SPATA9: variants seen among roughly 807,000 people sequenced by gnomAD.
The protein encoded by SPATA9 is spermatogenesis-associated protein 9.
A neutral mutation model predicts 25.5 loss-of-function variants in SPATA9; 27 were observed. That is an observed-to-expected ratio of 1.06 (90% confidence interval 0.78 to 1.46). The LOEUF (loss-of-function observed/expected upper bound fraction) is 1.46, where lower values mean the gene tolerates loss of function less well. Among genes scored for constraint, SPATA9 ranks in the 40% most tolerant of loss-of-function variants. The pLI is 0.00. For missense variants in SPATA9, 282 were observed against 297.5 expected, an observed-to-expected ratio of 0.95 and a Z score of 0.38; for synonymous variants, 102 against 105.7, an observed-to-expected ratio of 0.97 and a Z score of 0.21.
the SPATA9 span, among the ~76,000 whole-genome samples, chr5:95,712,907 T>TA: frequency 4.6e-4 from 70 of 152,310 alleles, no homozygotes; most frequent in South Asian, 6.0e-3. Flanking sequence ...TTGCTTTTTT[T>TA]ATCAATGTTT....
At position 95,658,456 on chromosome 5, in the gene SPATA9, T is replaced by G. The variant is rs1750921208; in HGVS notation, c.*167A>C. The G allele has an allele frequency of 2.1e-5, 15 of 706,146 alleles. No homozygotes were observed. Among genetic ancestry groups the G allele is most frequent in the Non-Finnish European group, 2.9e-5 (14 of 474,988 alleles). The allele number at this position is 706,146 out of a possible 1,614,324, so 43.7% of individuals were successfully genotyped here. Reference sequence around the variant, plus strand: ...ATTCCACATCAATATTCATTTTATTTACTCTATCATGTAAATACTAGAAAA... The same window carrying G: ...ATTCCACATCAATATTCATTTTATTGACTCTATCATGTAAATACTAGAAAA... On this transcript the variant is annotated 3_prime_UTR_variant, in exon 5 of 5. Coordinates refer to ENST00000274432, the MANE Select transcript of SPATA9 (RefSeq NM_031952.4).
At chr5:95,659,754 CTTCTTGCCTGCCTCT>C (rs1397166822) in intron 4 of SPATA9, 1 of 152,262 alleles carries the variant, frequency 6.6e-6, no homozygotes, top group Non-Finnish European at 1.5e-5. Context: ...CTCCTGCCTC[CTTCTTGCCTGCCTCT>C]TGCTATAGAA....
At chr5:95,685,338 C>T (rs927801839), upstream of SPATA9, among the ~76,000 whole-genome samples, 2 of 152,116 alleles carry the variant, frequency 1.3e-5, no homozygotes, top group African/African-American at 4.8e-5. Context: ...TAATTGGATC[C>T]TTCCCTCAAA....
chr5:95,655,652 T>C (rs550848808), downstream of SPATA9, among the ~76,000 whole-genome samples: 3 of 152,356 alleles, frequency 2.0e-5, 1 homozygote, highest in South Asian at 6.2e-4. Context: ...ACTCATGCCT[T>C]TAGTAACTCC....
rs781258276 is a variant in SPATA9, at chr5:95,660,493, G to A, written c.475-1580C>T. 2.6e-5 allele frequency among the ~76,000 whole-genome samples: 4 copies of A among 152,216 alleles called. No individual in the cohort carries two copies. In the South Asian group the frequency reaches 6.2e-4, roughly 24 times the overall value. On this transcript the variant is annotated intron_variant, in intron 4 of 4. Transcript: ENST00000274432. ...ATTAAGATATTTAAGTATCTTTATC[G>A]ATTAAGATACTGTCATTCAGATATC...
At chr5:95,652,470 T>A, downstream of SPATA9, 1 of 1,061,078 alleles carries the variant, frequency 9.4e-7, no homozygotes, top group Non-Finnish European at 1.3e-6. Flanking sequence ...TCAATATGTG[T>A]AAAATATATA....
chr5:95,668,036 A>G (rs1314506438), intron 3 of SPATA9, among the ~76,000 whole-genome samples: 1 of 152,156 alleles, frequency 6.6e-6, no homozygotes, highest in Non-Finnish European at 1.5e-5. Context: ...TGATGCTGCC[A>G]TGCTTCCTAT....
chr5:95,704,148 G>A, the SPATA9 span, among the ~76,000 whole-genome samples: 3 of 152,082 alleles, frequency 2.0e-5, no homozygotes, highest in Non-Finnish European at 4.4e-5. Flanking sequence ...TTTTGACCTT[G>A]GAAATAGTTT....
rs575296948 is a variant in SPATA9, at chr5:95,664,933, AAAAC to A, written c.379-889_379-886del. On this transcript the variant is annotated intron_variant, in intron 3 of 4. Transcript: ENST00000274432. Reference sequence around the variant, plus strand: ...AAAGAGTTATAACATTGAAAAAACTAAAACAATGATCGTTGATTAAAGAGTTATA... The same window carrying A: ...AAAGAGTTATAACATTGAAAAAACTAAATGATCGTTGATTAAAGAGTTATA... Among the ~76,000 whole-genome samples the A allele has an allele frequency of 4.1e-3, 625 of 152,336 alleles. 7 individuals carry two copies. The highest frequency in any genetic ancestry group is 9.3e-3 in the South Asian group (45 of 4,832).
chr5:95,653,543 C>T (rs1750493666), downstream of SPATA9, among the ~76,000 whole-genome samples: 1 of 152,222 alleles, frequency 6.6e-6, no homozygotes, highest in African/African-American at 2.4e-5. Context: ...GAGGAATCCT[C>T]CCTAATTTTG....
At chr5:95,657,163 G>T (rs1176605939), downstream of SPATA9, 1 of 151,986 alleles carries the variant, frequency 6.6e-6, no homozygotes, top group Non-Finnish European at 1.5e-5. Context: ...GTGAATGTAG[G>T]CACAACTAAG....
intron 2 of SPATA9, among the ~76,000 whole-genome samples, chr5:95,676,867 A>G (rs753700645): frequency 6.6e-6 from 1 of 152,186 alleles, no homozygotes; most frequent in East Asian, 1.9e-4. Flanking sequence ...GCCAAAGTAC[A>G]TACTGTGGTC....
chr5:95,655,860 A>G, downstream of SPATA9: 5 of 557,196 alleles, frequency 9.0e-6, no homozygotes, highest in Non-Finnish European at 1.2e-5. Flanking sequence ...TTTCTAATCA[A>G]CTGTAAAAGA....
At chr5:95,716,754 G>A in the SPATA9 span, among the ~76,000 whole-genome samples, 63 of 152,278 alleles carry the variant, frequency 4.1e-4, no homozygotes, top group African/African-American at 1.3e-3. Flanking sequence ...ATTTCATCTC[G>A]AATTGCAGCT....
chr5:95,672,480 C>T (rs983115383), intron 3 of SPATA9, among the ~76,000 whole-genome samples: 1 of 144,466 alleles, frequency 6.9e-6, no homozygotes, highest in African/African-American at 2.6e-5. Flanking sequence ...TTTAAATAAA[C>T]AAAACTCTGA....
chr5:95,675,500 A>T lies in SPATA9; in HGVS notation c.290T>A (p.Leu97His). The T allele has an allele frequency of 6.2e-7, 1 of 1,614,178 alleles. No homozygotes were observed. The highest frequency in any genetic ancestry group is 8.5e-7 in the Non-Finnish European group (1 of 1,180,032). ...CCTTAGCTCTAAAAGTCTGCATGCA[A>T]GCTGAGGATGCAGAAGTTTGGCCAC... ...KSVAKLLHPQ[L>H]ACRLLELRDI... Residue 97 changes from leucine to histidine, a missense_variant, in exon 3 of 5, where the codon CTT (leucine) becomes CAT (histidine). Coordinates refer to ENST00000274432, the MANE Select transcript of SPATA9 (RefSeq NM_031952.4).
chr5:95,681,700 T>C (rs1456324946), intron 2 of SPATA9, among the ~76,000 whole-genome samples: 1 of 152,226 alleles, frequency 6.6e-6, no homozygotes, highest in Admixed American at 6.5e-5. Context: ...TGGTTAAAGT[T>C]AGCTCTAATA....
exon 9 of SPATA9, chr5:95,653,034 T>A: frequency 6.5e-7 from 1 of 1,527,130 alleles, no homozygotes; most frequent in Non-Finnish European, 8.8e-7. Flanking sequence ...TTTACCAATC[T>A]TGCATATTAT....
chr5:95,700,382 C>A (rs766493797), upstream of SPATA9, among the ~76,000 whole-genome samples: 10 of 152,092 alleles, frequency 6.6e-5, no homozygotes, highest in Non-Finnish European at 1.2e-4. Flanking sequence ...TCATTGCAAC[C>A]TCCACCTCCC....
Sources: gnomAD v4.1 joint callset for allele counts (sites outside exome capture counted in the v4.1 genomes callset) on GRCh38, gnomAD v4.1.1 for gene constraint, MANE v1.5 for transcripts, NCBI Gene and HGNC (gene_info 2026-07-23, HGNC 2026-07-21) for gene names.